Variants in KCNQ1 observed in about 807,000 individuals in gnomAD.
KCNQ1 encodes potassium voltage-gated channel subfamily KQT member 1.
Under a neutral mutation model 72.4 loss-of-function variants are expected in KCNQ1, and 49 were observed. That is an observed-to-expected ratio of 0.68 (90% CI 0.54 to 0.86). KCNQ1 has a LOEUF of 0.86. Among genes scored for constraint, KCNQ1 ranks in the 40% least tolerant of loss-of-function variants. The pLI, the probability that KCNQ1 is intolerant of heterozygous loss-of-function variation, is 0.00. For synonymous variants in KCNQ1, 450 were observed against 412.6 expected (o/e 1.09, Z -1.10); for missense variants, 790 against 945.1 (o/e 0.84, Z 2.15).
intron 14 of KCNQ1, chr11:2,777,478 C>G: frequency 1.9e-6 from 1 of 537,692 alleles, no homozygotes; most frequent in Non-Finnish European, 3.2e-6. Flanking sequence ...GGCTCCTTGA[C>G]CAAATTCCTT....
chr11:2,671,690 A>ATAG lies in KCNQ1; in HGVS notation c.1514+9610_1514+9612dup. 1 of 398,796 alleles carries ATAG rather than the reference A, an allele frequency of 2.5e-6. No individual in the cohort carries two copies. Among genetic ancestry groups the ATAG allele is most frequent in the Non-Finnish European group, 4.4e-6 (1 of 226,202 alleles). 24.7% of individuals were successfully genotyped at this position (398,796 alleles called of 1,614,324 possible). ...AGAGCAGGGGTGACTTTGCAAGGCA[A>ATAG]TAGAGGGTACTTGGGAAGTAGGGTG... On this transcript the variant is annotated intron_variant, in intron 11 of 15. Coordinates refer to ENST00000155840, the MANE Select transcript of KCNQ1 (RefSeq NM_000218.3). The surrounding 1 kb of genome is among the most constrained non-coding windows in gnomAD (Gnocchi z 4.7).
intron 1 of KCNQ1, among the ~76,000 whole-genome samples, chr11:2,517,779 T>A (rs902121120): frequency 1.3e-5 from 2 of 152,184 alleles, no homozygotes; most frequent in Non-Finnish European, 2.9e-5. Flanking sequence ...GGGGGGGCCA[T>A]GCCTGCGCCC....
intron 1 of KCNQ1, among the ~76,000 whole-genome samples, chr11:2,500,930 G>C (rs1443315839): frequency 1.3e-5 from 2 of 152,044 alleles, no homozygotes; most frequent in Non-Finnish European, 2.9e-5. Flanking sequence ...GTAGATGACG[G>C]GTTGATGGGT....
Position 2,664,426 on chromosome 11 carries a change from C to T in KCNQ1, c.1514+2345C>T. The T allele has an allele frequency of 2.5e-6, 1 of 398,648 alleles. No individual in the cohort carries two copies. The highest frequency in any genetic ancestry group is 4.4e-6 in the Non-Finnish European group (1 of 226,106). 24.7% of individuals were successfully genotyped at this position (398,648 alleles called of 1,614,324 possible). On this transcript the variant is annotated intron_variant, in intron 11 of 15. Coordinates refer to ENST00000155840, the MANE Select transcript of KCNQ1 (RefSeq NM_000218.3). The surrounding 1 kb of genome is among the most constrained non-coding windows in gnomAD (Gnocchi z 5.1). ...AGAGTGGGCACGTACAGTGTCAGGGCCTAGGAACCCAGGCTCCTCTGGGAT... is the reference window on the plus strand; with the variant it reads ...AGAGTGGGCACGTACAGTGTCAGGGTCTAGGAACCCAGGCTCCTCTGGGAT...
Position 2,848,085 on chromosome 11 carries a change from A to G in KCNQ1, c.*82A>G. 8.5e-7 allele frequency: 1 copy of G among 1,181,576 alleles called. No homozygotes were observed. The highest frequency in any genetic ancestry group is 1.2e-6 in the Non-Finnish European group (1 of 823,172). The allele number at this position is 1,181,576 out of a possible 1,614,324, so 73.2% of individuals were successfully genotyped here. On this transcript the variant is annotated 3_prime_UTR_variant, in exon 16 of 16. Transcript: ENST00000155840. Reference sequence around the variant, plus strand: ...CACCTGGCCCTCTCTGAAGGAGGCCACCTCCTAAAAGGCCCAGAGAGAAGA... The same window carrying G: ...CACCTGGCCCTCTCTGAAGGAGGCCGCCTCCTAAAAGGCCCAGAGAGAAGA...
At chr11:2,660,740 T>C (rs1393777984) in intron 10 of KCNQ1, 1 of 398,514 alleles carries the variant, frequency 2.5e-6, no homozygotes, top group Non-Finnish European at 4.4e-6. Context: ...CATTCAGGCA[T>C]GGATGTGGGA....
chr11:2,635,552 G>T (rs1481542744), intron 10 of KCNQ1: 2 of 152,052 alleles, frequency 1.3e-5, no homozygotes, highest in Non-Finnish European at 2.9e-5. Context: ...TCTCTGTTTT[G>T]GTACCAGTAC....
intron 11 of KCNQ1, among the ~76,000 whole-genome samples, chr11:2,733,814 A>ACACACACACTCACACACTCTCT: frequency 5.8e-5 from 5 of 86,658 alleles, no homozygotes; most frequent in African/African-American, 1.7e-4. Context: ...ACACACACAC[A>ACACACACACTCACACACTCTCT]CTCTCTCACT....
chr11:2,832,263 C>T (rs1847967444), intron 15 of KCNQ1, among the ~76,000 whole-genome samples: 1 of 152,188 alleles, frequency 6.6e-6, no homozygotes, highest in South Asian at 2.1e-4. Context: ...TTGGACCTGG[C>T]CCTGCAAATG....
In KCNQ1 at chr11:2,475,728, C is replaced by T. The variant is rs1846559595; in HGVS notation, c.386+30244C>T. On this transcript the variant is annotated intron_variant, in intron 1 of 15. Coordinates refer to ENST00000155840, the MANE Select transcript of KCNQ1 (RefSeq NM_000218.3). The surrounding 1 kb of genome is among the most constrained non-coding windows in gnomAD (Gnocchi z 5.8). ...GGGACCTGGTGGGGGGTAATTGAAT[C>T]ACGGGGACGAGTCTTTCCTGTGCTG... Among the ~76,000 whole-genome samples the T allele has an allele frequency of 6.6e-6, 1 of 152,134 alleles. No homozygotes were observed.
In KCNQ1 at chr11:2,627,864, C is replaced by G; in HGVS notation, c.1394-34097C>G. The G allele has an allele frequency of 2.5e-6, 1 of 398,788 alleles. No homozygotes were observed. Among genetic ancestry groups the G allele is most frequent in the Non-Finnish European group, 4.4e-6 (1 of 226,276 alleles). The allele number at this position is 398,788 out of a possible 1,614,324, so 24.7% of individuals were successfully genotyped here. ...CTCATGGGCTCAAGTGATCCTCCTG[C>G]CTCAGCCTCCTGAGTAGCTGGGACC... On this transcript the variant is annotated intron_variant, in intron 10 of 15. Coordinates refer to ENST00000155840, the MANE Select transcript of KCNQ1 (RefSeq NM_000218.3). This position sits in a 1 kb window ranked among gnomAD's most constrained non-coding sequence, Gnocchi z 4.9.
In KCNQ1 at chr11:2,683,327, C is replaced by T. The variant is rs1239883399; in HGVS notation, c.1514+21246C>T. 3 of 398,488 alleles carry T rather than the reference C, an allele frequency of 7.5e-6. No individual in the cohort carries two copies. The highest frequency in any genetic ancestry group is 1.3e-5 in the Non-Finnish European group (3 of 226,070). The allele number at this position is 398,488 out of a possible 1,614,324, so 24.7% of individuals were successfully genotyped here. On this transcript the variant is annotated intron_variant, in intron 11 of 15. Coordinates refer to ENST00000155840, the MANE Select transcript of KCNQ1 (RefSeq NM_000218.3). This position sits in a 1 kb window ranked among gnomAD's most constrained non-coding sequence, Gnocchi z 4.7. ...CAGACACATAGAGGCCAGGTTTCCC[C>T]CGCTCAACACTAGGCCACTGTGCCT...
chr11:2,509,535 G>T lies in KCNQ1; in HGVS notation c.387-18393G>T, dbSNP rs1564801202. Among the ~76,000 whole-genome samples the T allele has an allele frequency of 6.6e-6, 1 of 152,210 alleles. No individual in the cohort carries two copies. The highest frequency in any genetic ancestry group is 1.5e-5 in the Non-Finnish European group (1 of 68,040). On this transcript the variant is annotated intron_variant, in intron 1 of 15. Coordinates refer to ENST00000155840, the MANE Select transcript of KCNQ1 (RefSeq NM_000218.3). This position sits in a 1 kb window ranked among gnomAD's most constrained non-coding sequence, Gnocchi z 6.3. ...GCAGGGCAGCCTGCTCAGAGGATGA[G>T]CCCAGCTATTCTGGGAAGCAGGCAG... is the stretch of plus-strand genomic sequence containing the variant.
chr11:2,594,320 C>T (rs1369002121), intron 10 of KCNQ1, among the ~76,000 whole-genome samples: 1 of 152,174 alleles, frequency 6.6e-6, no homozygotes, highest in African/African-American at 2.4e-5. Flanking sequence ...AAGTGACCCT[C>T]CCTACCTCTA....
At chr11:2,454,395 T>C (rs1407629658) in intron 1 of KCNQ1, among the ~76,000 whole-genome samples, 3 of 152,172 alleles carry the variant, frequency 2.0e-5, no homozygotes, top group African/African-American at 7.2e-5. Context: ...TCCCTCAAAA[T>C]TGAAATGAAA....
Position 2,759,082 on chromosome 11 carries a change from G to A in KCNQ1, c.1515-9762G>A, listed in dbSNP as rs759371304. Among the ~76,000 whole-genome samples, 12 of 151,362 alleles carry A rather than the reference G, an allele frequency of 7.9e-5. No individual in the cohort carries two copies. Among genetic ancestry groups the A allele is most frequent in the Non-Finnish European group, 1.0e-4 (7 of 67,964 alleles). Reference sequence around the variant, plus strand: ...CAAGGTGTGACCGTCGCGAACTCACGTAGAGGGCATACAGGACCTCTTGGT... The same window carrying A: ...CAAGGTGTGACCGTCGCGAACTCACATAGAGGGCATACAGGACCTCTTGGT... On this transcript the variant is annotated intron_variant, in intron 11 of 15. Coordinates refer to ENST00000155840, the MANE Select transcript of KCNQ1 (RefSeq NM_000218.3). The surrounding 1 kb of genome is among the most constrained non-coding windows in gnomAD (Gnocchi z 4.4).
rs1327765436 is a variant in KCNQ1 at position 2,473,248 on chromosome 11, T to C, written c.386+27764T>C. On this transcript the variant is annotated intron_variant, in intron 1 of 15. Transcript: ENST00000155840. This position sits in a 1 kb window ranked among gnomAD's most constrained non-coding sequence, Gnocchi z 6.0. ...AGGGAGGGGGCTCCATTAATTCTGA[T>C]GTCATTTATTGCTGTTCCTATATTT... 2.6e-5 allele frequency among the ~76,000 whole-genome samples: 4 copies of C among 152,058 alleles called. No homozygotes were observed. The highest frequency in any genetic ancestry group is 4.8e-5 in the African/African-American group (2 of 41,414).
In KCNQ1 at chr11:2,462,313, G is replaced by A. The variant is rs985751575; in HGVS notation, c.386+16829G>A. On this transcript the variant is annotated intron_variant, in intron 1 of 15. Coordinates refer to ENST00000155840, the MANE Select transcript of KCNQ1 (RefSeq NM_000218.3). The surrounding 1 kb of genome is among the most constrained non-coding windows in gnomAD (Gnocchi z 8.2). ...CGAGGGCAGCGTCGCCATCAGAGGC[G>A]ATGTCTAGGGCCACCCCCTCTGACT... Among the ~76,000 whole-genome samples, 3 of 152,180 alleles carry A rather than the reference G, an allele frequency of 2.0e-5. No individual in the cohort carries two copies. The highest frequency in any genetic ancestry group is 2.4e-5 in the African/African-American group (1 of 41,440).
At position 2,564,112 on chromosome 11, in the gene KCNQ1, A is replaced by ACCATTTCAG. The variant is rs377225732; in HGVS notation, c.478-6489_478-6481dup. The stretch of plus-strand genomic sequence containing the variant: ...AGAGAACACACATAACGTAAAATTC[A>ACCATTTCAG]CCATTTCAGCCATTTCAGCCATTTC... On this transcript the variant is annotated intron_variant, in intron 2 of 15. Transcript: ENST00000155840. This position sits in a 1 kb window ranked among gnomAD's most constrained non-coding sequence, Gnocchi z 4.5. 7.9e-5 allele frequency among the ~76,000 whole-genome samples: 12 copies of ACCATTTCAG among 152,138 alleles called. No individual in the cohort carries two copies. Among genetic ancestry groups the ACCATTTCAG allele is most frequent in the Admixed American group, 1.3e-4 (2 of 15,284 alleles).
Sources: gnomAD v4.1 joint callset for allele counts (sites outside exome capture counted in the v4.1 genomes callset) on GRCh38, gnomAD v4.1.1 for gene constraint, Gnocchi (gnomAD v3.1) non-coding constraint, MANE v1.5 for transcripts, NCBI Gene and HGNC (gene_info 2026-07-23, HGNC 2026-07-21) for gene names.